Variants in UGT1A9 observed in about 807,000 individuals in gnomAD.
UGT1A9 encodes UDP-glucuronosyltransferase 1A9.
UGT1A9 carries 35 observed loss-of-function variants against 45.0 expected under a neutral mutation model. The observed-to-expected ratio is 0.78, with a 90% CI of 0.59 to 1.03. The LOEUF (loss-of-function observed/expected upper bound fraction) is 1.03, where lower values mean the gene tolerates loss of function less well. UGT1A9 is among the 50% of genes least tolerant of loss of function. UGT1A9 has a pLI of 0.00. For synonymous variants in UGT1A9, 278 were observed against 250.6 expected (o/e 1.11, Z -1.03); for missense variants, 687 against 666.6 (o/e 1.03, Z -0.34).
At chr2:233,679,076 C>T (rs1041431725) in intron 1 of UGT1A9, among the ~76,000 whole-genome samples, 5 of 152,300 alleles carry the variant, frequency 3.3e-5, no homozygotes, top group Non-Finnish European at 7.4e-5. Context: ...GTATTGACAA[C>T]CTTTTCCATA....
intron 1 of UGT1A9, among the ~76,000 whole-genome samples, chr2:233,681,393 G>T (rs1478983291): frequency 6.6e-6 from 1 of 151,836 alleles, no homozygotes; most frequent in Non-Finnish European, 1.5e-5. Context: ...AGTTAGCTGG[G>T]CATGGCAGCG....
At chr2:233,685,599 A>G (rs959386041) in intron 1 of UGT1A9, among the ~76,000 whole-genome samples, 2 of 152,200 alleles carry the variant, frequency 1.3e-5, no homozygotes, top group Non-Finnish European at 2.9e-5. Context: ...CCTCCCTCCA[A>G]GATTATTTAT....
At chr2:233,675,126 C>A (rs1366738866) in intron 1 of UGT1A9, among the ~76,000 whole-genome samples, 2 of 148,858 alleles carry the variant, frequency 1.3e-5, no homozygotes, top group African/African-American at 2.4e-5. Context: ...GTAACAAAAT[C>A]TCCTTGAGGC....
intron 1 of UGT1A9, chr2:233,747,707 A>C (rs1693758037): frequency 1.2e-6 from 2 of 1,612,800 alleles, no homozygotes; most frequent in East Asian, 4.5e-5. Context: ...CTAAGTACCT[A>C]TCAATTCCTG....
chr2:233,739,706 G>A (rs760194207), intron 1 of UGT1A9, among the ~76,000 whole-genome samples: 1 of 152,190 alleles, frequency 6.6e-6, no homozygotes, highest in Non-Finnish European at 1.5e-5. Context: ...ACAGGCTCAT[G>A]GGGGAAGGGA....
intron 1 of UGT1A9, among the ~76,000 whole-genome samples, chr2:233,757,066 C>A (rs1244177013): frequency 2.6e-5 from 4 of 151,164 alleles, no homozygotes; most frequent in Non-Finnish European, 4.4e-5. Context: ...AGCAAGGGAT[C>A]CAGAATGGCT....
chr2:233,713,587 C>T (rs553041215), intron 1 of UGT1A9: 7 of 1,613,978 alleles, frequency 4.3e-6, no homozygotes, highest in East Asian at 2.2e-5. Context: ...AGATTACTAA[C>T]GACCAATTCA....
At chr2:233,683,674 A>C (rs2074645836) in intron 1 of UGT1A9, among the ~76,000 whole-genome samples, 1 of 152,132 alleles carries the variant, frequency 6.6e-6, no homozygotes, top group South Asian at 2.1e-4. Context: ...TTTCTTATTA[A>C]CCTTTATTCC....
chr2:233,754,611 T>A (rs562553027), intron 1 of UGT1A9: 1 of 437,308 alleles, frequency 2.3e-6, no homozygotes, highest in East Asian at 7.0e-5. Flanking sequence ...CAACTCTCCA[T>A]CTTCCTCCAC....
chr2:233,702,923 C>T (rs534007977), intron 1 of UGT1A9, among the ~76,000 whole-genome samples: 90 of 152,206 alleles, frequency 5.9e-4, no homozygotes, highest in African/African-American at 1.1e-3. Flanking sequence ...TATTTTCTTG[C>T]GGAGCCTTGG....
Position 233,756,099 on chromosome 2 carries a change from C to T in UGT1A9, c.856-10935C>T, listed in dbSNP as rs117664856. ...ATGAGAAAATCAAGTAACATTATTACGGAAATAGTTTTGACTTTGTAAAAT... is the reference window on the plus strand; with the variant it reads ...ATGAGAAAATCAAGTAACATTATTATGGAAATAGTTTTGACTTTGTAAAAT... On this transcript the variant is annotated intron_variant, in intron 1 of 4. Coordinates refer to ENST00000354728, the MANE Select transcript of UGT1A9 (RefSeq NM_021027.3). 23 of 152,310 alleles carry T rather than the reference C, an allele frequency of 1.5e-4. 1 individual carries two copies. In the East Asian group the frequency reaches 4.0e-3, roughly 27 times the overall value. 9.4% of individuals were successfully genotyped at this position (152,310 alleles called of 1,614,324 possible). A position where few individuals can be genotyped will look rare whatever the true frequency, so the allele number is the denominator to read the frequency against.
chr2:233,709,412 A>G (rs2076075448), intron 1 of UGT1A9, among the ~76,000 whole-genome samples: 1 of 152,214 alleles, frequency 6.6e-6, no homozygotes, highest in African/African-American at 2.4e-5. Flanking sequence ...TGAACACTCA[A>G]TAAGAATGTC....
At chr2:233,679,547 T>A (rs1281095100) in intron 1 of UGT1A9, among the ~76,000 whole-genome samples, 1 of 151,974 alleles carries the variant, frequency 6.6e-6, no homozygotes, top group Non-Finnish European at 1.5e-5. Flanking sequence ...TGTGTCATCT[T>A]TTTTTTTGTT....
At chr2:233,675,872 A>G (rs1208068798) in intron 1 of UGT1A9, among the ~76,000 whole-genome samples, 3 of 152,196 alleles carry the variant, frequency 2.0e-5, no homozygotes, top group Non-Finnish European at 4.4e-5. Flanking sequence ...AATTTGTTAC[A>G]TAGCCACAAT....
chr2:233,750,338 T>A (rs1437609393), intron 1 of UGT1A9, among the ~76,000 whole-genome samples: 1 of 151,900 alleles, frequency 6.6e-6, no homozygotes, highest in Non-Finnish European at 1.5e-5. Context: ...AGAGAGATGA[T>A]CTGAAATTGG....
chr2:233,719,001 C>T (rs199607987), intron 1 of UGT1A9: 45 of 1,614,084 alleles, frequency 2.8e-5, no homozygotes, highest in African/African-American at 4.0e-5. Context: ...GGCGGTGGTC[C>T]TCACCCCAGA....
intron 1 of UGT1A9, among the ~76,000 whole-genome samples, chr2:233,766,480 T>TG (rs1699163559): frequency 6.6e-6 from 1 of 152,128 alleles, no homozygotes; most frequent in Non-Finnish European, 1.5e-5. Context: ...AGGCACATGA[T>TG]GGGGGCGTGG....
At chr2:233,689,706 T>G (rs1017281104) in intron 1 of UGT1A9, among the ~76,000 whole-genome samples, 1 of 152,204 alleles carries the variant, frequency 6.6e-6, no homozygotes, top group Non-Finnish European at 1.5e-5. Flanking sequence ...TATTTCCCCT[T>G]ATCTGAGGTC....
At chr2:233,760,129 C>T (rs1575768749) in intron 1 of UGT1A9, 2 of 1,354,926 alleles carry the variant, frequency 1.5e-6, no homozygotes, top group Non-Finnish European at 2.0e-6. Flanking sequence ...GCTCCACCTT[C>T]TTTATCTCTG....
Sources: allele counts gnomAD v4.1 joint callset (sites outside exome capture counted in the v4.1 genomes callset), GRCh38; gene constraint gnomAD v4.1.1; transcripts MANE v1.5; gene names NCBI Gene and HGNC (gene_info 2026-07-23, HGNC 2026-07-21).